Variants in SMURF2 observed in about 807,000 individuals in gnomAD.
The protein encoded by SMURF2 is SMAD specific E3 ubiquitin protein ligase 2, also known as E3 ubiquitin-protein ligase SMURF2.
Under a neutral mutation model 109.6 loss-of-function variants are expected in SMURF2, and 48 were observed. That is an observed-to-expected ratio of 0.44 (90% CI 0.35 to 0.56). The LOEUF (loss-of-function observed/expected upper bound fraction) is 0.56, where lower values mean the gene tolerates loss of function less well. SMURF2 is among the 20% of genes least tolerant of loss of function. The pLI, the probability that SMURF2 is intolerant of heterozygous loss-of-function variation, is 0.01. For synonymous variants in SMURF2, 288 were observed against 317.1 expected (o/e 0.91, Z 0.97); for missense variants, 575 against 909.0 (o/e 0.63, Z 4.72).
intron 1 of SMURF2, among the ~76,000 whole-genome samples, chr17:64,657,195 CAT>C (rs1164070670): frequency 3.3e-5 from 5 of 152,222 alleles, no homozygotes; most frequent in Non-Finnish European, 5.9e-5. Flanking sequence ...TTCTTAGAGT[CAT>C]AGAGGACAGT....
At chr17:64,565,333 G>A (rs1555684861) in intron 10 of SMURF2, among the ~76,000 whole-genome samples, 1 of 152,206 alleles carries the variant, frequency 6.6e-6, no homozygotes, top group Admixed American at 6.5e-5. Context: ...AAGGGCTGAT[G>A]TGAGAGTGCA....
chr17:64,629,429 A>G (rs1214505462), intron 1 of SMURF2, among the ~76,000 whole-genome samples: 2 of 152,152 alleles, frequency 1.3e-5, no homozygotes, highest in Non-Finnish European at 2.9e-5. Context: ...GCCTGAGCCC[A>G]GAAGTTTGAG....
At chr17:64,642,258 GCTATGTAATATTAC>G (rs1970501416) in intron 1 of SMURF2, among the ~76,000 whole-genome samples, 1 of 152,232 alleles carries the variant, frequency 6.6e-6, no homozygotes, top group Admixed American at 6.5e-5. Flanking sequence ...ATCTGGAAAA[GCTATGTAATATTAC>G]TGTAACTCAC....
chr17:64,644,929 A>T (rs1555692871), intron 1 of SMURF2, among the ~76,000 whole-genome samples: 1 of 151,930 alleles, frequency 6.6e-6, no homozygotes, highest in Non-Finnish European at 1.5e-5. Flanking sequence ...AGCCGCTTCA[A>T]CCCAGAAGGC....
intron 3 of SMURF2, among the ~76,000 whole-genome samples, chr17:64,595,784 C>T (rs1555688042): frequency 6.6e-6 from 1 of 152,166 alleles, no homozygotes; most frequent in Non-Finnish European, 1.5e-5. Flanking sequence ...AGTCATGATG[C>T]ACCTCAAAAC....
intron 1 of SMURF2, among the ~76,000 whole-genome samples, chr17:64,659,173 G>T (rs1217767764): frequency 7.2e-5 from 11 of 152,108 alleles, no homozygotes; most frequent in Admixed American, 5.9e-4. Context: ...GTGTGTGTGT[G>T]AGTGTGTGCA....
intron 1 of SMURF2, among the ~76,000 whole-genome samples, chr17:64,607,086 T>A (rs1011502922): frequency 1.3e-4 from 20 of 149,786 alleles, no homozygotes; most frequent in Admixed American, 2.0e-4. Context: ...TTTTTTTTTT[T>A]AAATAACATT....
chr17:64,581,882 T>C lies in SMURF2; in HGVS notation c.570-891A>G, dbSNP rs1451939766. 1.3e-5 allele frequency among the ~76,000 whole-genome samples: 2 copies of C among 150,980 alleles called. No individual in the cohort carries two copies. Among genetic ancestry groups the C allele is most frequent in the African/African-American group, 4.9e-5 (2 of 41,082 alleles). On this transcript the variant is annotated intron_variant, in intron 7 of 18. Coordinates refer to ENST00000262435, the MANE Select transcript of SMURF2 (RefSeq NM_022739.4). This position sits in a 1 kb window ranked among gnomAD's most constrained non-coding sequence, Gnocchi z 4.3. ...ATTGCTTGAATCCAGGAGGCAGAGGTTGCAGTGGGCAGAGGTTGCAGTGAG... is the reference window on the plus strand; with the variant it reads ...ATTGCTTGAATCCAGGAGGCAGAGGCTGCAGTGGGCAGAGGTTGCAGTGAG...
chr17:64,657,654 G>T (rs1223120188), intron 1 of SMURF2, among the ~76,000 whole-genome samples: 1 of 151,704 alleles, frequency 6.6e-6, no homozygotes. Context: ...CAGTAAGCCG[G>T]GATTGCTCAC....
At chr17:64,557,876 T>C (rs1249229008) in intron 12 of SMURF2, among the ~76,000 whole-genome samples, 154 bp from the exon 13 acceptor site, 9 of 152,086 alleles carry the variant, frequency 5.9e-5, no homozygotes, top group Admixed American at 5.9e-4. Context: ...ATTGGAAAAA[T>C]CTACCGTACC....
chr17:64,562,342 G>A (rs1190980785), intron 11 of SMURF2, among the ~76,000 whole-genome samples: 6 of 148,138 alleles, frequency 4.1e-5, no homozygotes, highest in Admixed American at 6.7e-5. Context: ...AGCACTCTCG[G>A]TATTCTTGGA....
At chr17:64,597,831 T>C (rs1287988649) in intron 3 of SMURF2, among the ~76,000 whole-genome samples, 1 of 150,174 alleles carries the variant, frequency 6.7e-6, no homozygotes, top group Non-Finnish European at 1.5e-5. Flanking sequence ...TAAAATAAAA[T>C]ACATATCTAG....
chr17:64,594,272 G>A (rs1186184761), intron 3 of SMURF2, among the ~76,000 whole-genome samples: 3 of 152,156 alleles, frequency 2.0e-5, no homozygotes, highest in African/African-American at 7.2e-5. Flanking sequence ...ATGACAATAA[G>A]AGGTCAAATT....
intron 1 of SMURF2, among the ~76,000 whole-genome samples, chr17:64,622,461 T>G (rs1342206238): frequency 6.6e-6 from 1 of 152,262 alleles, no homozygotes; most frequent in Non-Finnish European, 1.5e-5. Context: ...ATGCTCCTTG[T>G]GGCTGTAATA....
intron 2 of SMURF2, among the ~76,000 whole-genome samples, chr17:64,600,241 A>G (rs181203549): frequency 4.7e-4 from 72 of 152,328 alleles, no homozygotes; most frequent in South Asian, 3.1e-3. Flanking sequence ...GATCTAATAC[A>G]AATTAATAAG....
At chr17:64,661,625 G>A (rs1970778253) in intron 1 of SMURF2, among the ~76,000 whole-genome samples, 1 of 151,430 alleles carries the variant, frequency 6.6e-6, no homozygotes. Flanking sequence ...ACCACCCCCC[G>A]CCCCGAGTCA....
intron 1 of SMURF2, among the ~76,000 whole-genome samples, chr17:64,655,733 A>G (rs1355276331): frequency 6.6e-6 from 1 of 152,022 alleles, no homozygotes; most frequent in Admixed American, 6.6e-5. Flanking sequence ...CCCAAAAAAA[A>G]TACAAAAAAA....
At chr17:64,565,442 G>C (rs1311835530) in intron 10 of SMURF2, among the ~76,000 whole-genome samples, 1 of 152,162 alleles carries the variant, frequency 6.6e-6, no homozygotes, top group African/African-American at 2.4e-5. Flanking sequence ...AAATCAAGTA[G>C]ATCTGATAAG....
chr17:64,591,215 G>A (rs1969747625), intron 4 of SMURF2, 66 bp from the exon 5 acceptor site: 2 of 1,160,770 alleles, frequency 1.7e-6, no homozygotes, highest in South Asian at 2.6e-5. Context: ...AACATCTATA[G>A]AGTGACAATA....
Sources: allele counts gnomAD v4.1 joint callset (sites outside exome capture counted in the v4.1 genomes callset), GRCh38; gene constraint gnomAD v4.1.1; non-coding constraint Gnocchi (gnomAD v3.1); transcripts MANE v1.5; gene names NCBI Gene and HGNC (gene_info 2026-07-23, HGNC 2026-07-21).